Variants in A1BG observed in about 807,000 individuals in gnomAD.
The protein encoded by A1BG is alpha-1B-glycoprotein.
A1BG carries 44 observed loss-of-function variants against 46.0 expected under a neutral mutation model. That is an observed-to-expected ratio of 0.96 (90% CI 0.75 to 1.23). The LOEUF (loss-of-function observed/expected upper bound fraction) is 1.23. Among genes scored for constraint, A1BG ranks in the 50% most tolerant of loss-of-function variants. The pLI, the probability that A1BG is intolerant of heterozygous loss-of-function variation, is 0.00. For missense variants in A1BG, 707 were observed against 688.8 expected, an observed-to-expected ratio of 1.03 and a Z score of -0.30; for synonymous variants, 316 against 314.7, an observed-to-expected ratio of 1.00 and a Z score of -0.04.
chr19:58,345,904 TGCCA>T lies in A1BG; in HGVS notation c.*1114_*1117del, dbSNP rs1010759063. On this transcript the variant is annotated 3_prime_UTR_variant, in exon 8 of 8. Coordinates refer to ENST00000263100, the MANE Select transcript of A1BG (RefSeq NM_130786.4). The stretch of plus-strand genomic sequence containing the variant: ...ATAATACTGATACGCATCTTCTGTG[TGCCA>T]GGGCCTTGAGGCCCTGCTCCAGGCA... 76 of 152,404 alleles carry T rather than the reference TGCCA, an allele frequency of 5.0e-4. No individual in the cohort carries two copies. Among genetic ancestry groups the T allele is most frequent in the African/African-American group, 1.7e-3 (71 of 41,592 alleles). The allele number at this position is 152,404 out of a possible 1,614,324, so 9.4% of individuals were successfully genotyped here.
intron 3 of A1BG, 65 bp from the exon 4 acceptor site, chr19:58,352,620 C>T (rs759175887): frequency 2.7e-4 from 421 of 1,553,372 alleles, no homozygotes; most frequent in Non-Finnish European, 3.5e-4. Flanking sequence ...CCCAGCAGAA[C>T]CTGGGCCCCA....
At chr19:58,352,600 A>C (rs757304706) in intron 3 of A1BG, 45 bp from the exon 4 acceptor site, 15 of 1,582,588 alleles carry the variant, frequency 9.5e-6, no homozygotes, top group Non-Finnish European at 1.2e-5. Flanking sequence ...ATAACAGGAG[A>C]CGTGGGAAGC....
chr19:58,350,547 C>T lies in A1BG; in HGVS notation c.1015G>A (p.Glu339Lys). ...TGCACGCGGCGCCCGCCCCTGTCCT[C>T]GCGCACCAGGGCGAAGCGCGCGCCC... is the stretch of plus-strand genomic sequence containing the variant. ...LEGARFALVR[E>K]DRGGRRVHRF... is the part of the protein sequence containing the mutation. Residue 339 changes from glutamate (E) to lysine (K), a missense_variant, in exon 6 of 8, where the codon GAG becomes AAG. Glu to Lys is a moderately conservative substitution (Grantham distance 56). Transcript: ENST00000263100. The T allele has an allele frequency of 6.5e-7, 1 of 1,548,394 alleles. No individual in the cohort carries two copies. Among genetic ancestry groups the T allele is most frequent in the Non-Finnish European group, 8.7e-7 (1 of 1,146,000 alleles).
chr19:58,348,144 G>C (rs1036473065), intron 6 of A1BG, among the ~76,000 whole-genome samples: 12 of 152,178 alleles, frequency 7.9e-5, no homozygotes, highest in African/African-American at 1.4e-4. Context: ...CTGAGCTCAG[G>C]AGTTCCAGAC....
intron 6 of A1BG, chr19:58,349,826 G>T (rs1263709346): frequency 6.6e-6 from 1 of 152,254 alleles, no homozygotes; most frequent in Non-Finnish European, 1.5e-5. Flanking sequence ...GGAAAGAAAA[G>T]AAAGAAAGTG....
chr19:58,346,829 A>C lies in A1BG; in HGVS notation c.*193T>G. 7 of 722,504 alleles carry C rather than the reference A, an allele frequency of 9.7e-6. No individual in the cohort carries two copies. Among genetic ancestry groups the C allele is most frequent in the South Asian group, 9.2e-5 (6 of 65,218 alleles). 44.8% of individuals were successfully genotyped at this position (722,504 alleles called of 1,614,324 possible). On this transcript the variant is annotated 3_prime_UTR_variant, in exon 8 of 8. Transcript: ENST00000263100. ...CTTTGAGGACACGAGATCCCAGCCC[A>C]CTCAGCCCTGGGAGTCCAAAGACAT...
In A1BG at chr19:58,351,638, G is replaced by A. The variant is rs2051959967; in HGVS notation, c.663C>T (p.Val221=). 6.2e-7 allele frequency: 1 copy of A among 1,611,442 alleles called. No individual in the cohort carries two copies. The highest frequency in any genetic ancestry group is 1.3e-5 in the African/African-American group (1 of 74,826). ...VLMHHGESSQ[V]LHPGNKVTLT... ...GGGTCACCTTGTTGCCAGGGTGCAG[G>A]ACCTGGGAGGACTCTCCATGGTGCA... The change falls in exon 5 of 8, where the codon GTC becomes GTT. Residue 221 remains valine, a synonymous_variant. Transcript: ENST00000263100.
chr19:58,351,869 C>T (rs1334596125), intron 4 of A1BG, 182 bp from the exon 5 acceptor site: 1 of 727,480 alleles, frequency 1.4e-6, no homozygotes, highest in Non-Finnish European at 2.2e-6. Flanking sequence ...CCACTCAGCT[C>T]ACTGCAAGCT....
chr19:58,350,977 C>T, intron 5 of A1BG: 1 of 426,932 alleles, frequency 2.3e-6, no homozygotes, highest in Non-Finnish European at 4.2e-6. Flanking sequence ...CTTCTGAGCA[C>T]CGCCCCAATG....
Position 58,351,524 on chromosome 19 carries a change from T to C in A1BG, c.777A>G (p.Pro259=). 1 of 1,613,966 alleles carries C rather than the reference T, an allele frequency of 6.2e-7. No individual in the cohort carries two copies. Among genetic ancestry groups the C allele is most frequent in the Non-Finnish European group, 8.5e-7 (1 of 1,180,020 alleles). ...ELLVPRSSTS[P]DRIFFHLNAV... Reference sequence around the variant, plus strand: ...CGTTCAGGTGAAAGAAGATGCGATCTGGGCTGGTGCTGCTCCTGGGTACCA... The same window carrying C: ...CGTTCAGGTGAAAGAAGATGCGATCCGGGCTGGTGCTGCTCCTGGGTACCA... The change falls in exon 5 of 8, where the codon CCA becomes CCG. Residue 259 remains proline, a synonymous_variant. Transcript: ENST00000263100.
intron 4 of A1BG, 170 bp from the exon 5 acceptor site, chr19:58,351,857 C>A (rs951642817): frequency 1.4e-6 from 1 of 739,714 alleles, no homozygotes; most frequent in Non-Finnish European, 2.1e-6. Context: ...AGTGCAGTGG[C>A]GCCACTCAGC....
At chr19:58,351,760 C>T in intron 4 of A1BG, 73 bp from the exon 5 acceptor site, 4 of 1,454,576 alleles carry the variant, frequency 2.7e-6, no homozygotes, top group Non-Finnish European at 3.7e-6. Flanking sequence ...AGACCTCTGC[C>T]CTCCGGGTGG....
intron 7 of A1BG, 129 bp from the exon 8 acceptor site, chr19:58,347,158 C>A: frequency 7.3e-7 from 1 of 1,361,964 alleles, no homozygotes; most frequent in Non-Finnish European, 1.0e-6. Flanking sequence ...CAGCCGAGAC[C>A]CCCATCTGCG....
chr19:58,349,303 A>T (rs934649398), intron 6 of A1BG, among the ~76,000 whole-genome samples: 3 of 152,110 alleles, frequency 2.0e-5, no homozygotes, highest in Admixed American at 6.5e-5. Flanking sequence ...GGCGTGAGCC[A>T]CCTTGCCTGG....
In A1BG at chr19:58,352,571, A is replaced by G. The variant is rs2051971363; in HGVS notation, c.341-16T>C. On this transcript the variant is annotated splice_polypyrimidine_tract_variant and intron_variant, in intron 3 of 7. Coordinates refer to ENST00000263100, the MANE Select transcript of A1BG (RefSeq NM_130786.4). ...GGCAAGGACTCTGTGGGTGGGGTGGAGTTGAAGAGTGCTTCTGCATAACAG... is the reference window on the plus strand; with the variant it reads ...GGCAAGGACTCTGTGGGTGGGGTGGGGTTGAAGAGTGCTTCTGCATAACAG... The G allele has an allele frequency of 5.0e-6, 8 of 1,601,666 alleles. No individual in the cohort carries two copies. In the East Asian group the frequency reaches 1.6e-4, roughly 31 times the overall value.
intron 4 of A1BG, chr19:58,352,035 C>T (rs2051964293): frequency 7.6e-7 from 1 of 1,309,720 alleles, no homozygotes; most frequent in East Asian, 2.6e-5. Context: ...ACCTCATGAT[C>T]CGCTGGCCTC....
rs986807264 is a variant in A1BG, at chr19:58,347,164, C to T, written c.1481-135G>A. ...GTCGGCTGCCAGCCGAGACCCCCAT[C>T]TGCGCCTCCAGCTGCAGGGCCTTTG... is the stretch of plus-strand genomic sequence containing the variant. On this transcript the variant is annotated intron_variant, in intron 7 of 7. Coordinates refer to ENST00000263100, the MANE Select transcript of A1BG (RefSeq NM_130786.4). 1.3e-5 allele frequency: 17 copies of T among 1,348,194 alleles called. No individual in the cohort carries two copies. The African/African-American group carries it at 2.0e-4, about 16-fold the overall frequency. 83.5% of individuals were successfully genotyped at this position (1,348,194 alleles called of 1,614,324 possible).
At chr19:58,352,773 C>A in intron 3 of A1BG, 155 bp downstream of exon 3, 4 of 1,254,386 alleles carry the variant, frequency 3.2e-6, no homozygotes, top group Non-Finnish European at 3.3e-6. Flanking sequence ...GGGACACAAC[C>A]ATGTATTCCT....
chr19:58,348,576 T>TA (rs1476673572), intron 6 of A1BG: 5 of 152,384 alleles, frequency 3.3e-5, no homozygotes, highest in Non-Finnish European at 5.9e-5. Context: ...TTTTAAAAGT[T>TA]ATATTCCCTA....
Sources: allele counts gnomAD v4.1 joint callset (sites outside exome capture counted in the v4.1 genomes callset), GRCh38; gene constraint gnomAD v4.1.1; transcripts MANE v1.5; gene names NCBI Gene and HGNC (gene_info 2026-07-23, HGNC 2026-07-21).